MPHOSPH9: variants seen among roughly 807,000 people sequenced by gnomAD.
The protein encoded by MPHOSPH9 is M-phase phosphoprotein 9.
In MPHOSPH9, 88 loss-of-function variants were observed where a neutral mutation model predicts 145.5. The ratio of observed to expected loss-of-function variants is 0.60; its 90% CI spans 0.51 to 0.72. The LOEUF (loss-of-function observed/expected upper bound fraction) is 0.72, where lower values mean the gene tolerates loss of function less well. Ranked by LOEUF, MPHOSPH9 falls within the 30% of genes least tolerant of loss-of-function variation. MPHOSPH9 has a pLI of 0.00. For synonymous variants in MPHOSPH9, 435 were observed against 486.2 expected (o/e 0.89, Z 1.39); for missense variants, 1,238 against 1,386.6 (o/e 0.89, Z 1.70).
Position 123,163,965 on chromosome 12 carries a change from T to C in MPHOSPH9, c.2893A>G (p.Lys965Glu). 1 of 1,614,110 alleles carries C rather than the reference T, an allele frequency of 6.2e-7. No homozygotes were observed. The highest frequency in any genetic ancestry group is 8.5e-7 in the Non-Finnish European group (1 of 1,180,000). The change falls in exon 19 of 24, where the codon AAA (lysine) becomes GAA (glutamate). Residue 965 changes from lysine to glutamate, a missense_variant. By Grantham distance (56) the Lys-to-Glu change is moderately conservative (BLOSUM62 1). Coordinates refer to ENST00000606320, the MANE Select transcript of MPHOSPH9 (RefSeq NM_022782.4). ...TAACTCTTACTTGGAGTACTTGATT[T>C]ACGATTTGAAGGTGGTAAAGATGAT... ...RSSSLPPSNR[K>E]SSTPTKREIM...
intron 15 of MPHOSPH9, among the ~76,000 whole-genome samples, chr12:123,178,777 G>A (rs1262097285): frequency 6.6e-6 from 1 of 152,154 alleles, no homozygotes; most frequent in Admixed American, 6.6e-5. Flanking sequence ...TCCCACCTCA[G>A]CCTCCCAAAG....
intron 21 of MPHOSPH9, 111 bp from the exon 22 acceptor site, chr12:123,161,494 C>A (rs77690269): frequency 8.9e-7 from 1 of 1,119,658 alleles, no homozygotes; most frequent in Non-Finnish European, 1.3e-6. Context: ...TGCTATGTGG[C>A]CCAAAAAAGT....
intron 12 of MPHOSPH9, among the ~76,000 whole-genome samples, chr12:123,195,774 C>A: frequency 6.6e-6 from 1 of 152,054 alleles, no homozygotes; most frequent in East Asian, 1.9e-4. Context: ...GCAAACAGGC[C>A]AGGCACTGTG....
chr12:123,188,418 G>A (rs970249527), intron 13 of MPHOSPH9, among the ~76,000 whole-genome samples: 13 of 151,976 alleles, frequency 8.6e-5, no homozygotes, highest in African/African-American at 3.1e-4. Flanking sequence ...TATTATAACA[G>A]GCTATATTTC....
intron 16 of MPHOSPH9, among the ~76,000 whole-genome samples, chr12:123,169,655 C>T (rs1010193913): frequency 2.6e-5 from 4 of 151,710 alleles, no homozygotes; most frequent in African/African-American, 7.3e-5. Flanking sequence ...GGCTGGAGTG[C>T]AGTGGCGTGA....
intron 16 of MPHOSPH9, 25 bp from the exon 17 acceptor site, chr12:123,166,814 A>G: frequency 6.2e-7 from 1 of 1,607,476 alleles, no homozygotes; most frequent in Non-Finnish European, 8.5e-7. Context: ...ACGGTCAGGC[A>G]TTATAAAGGT....
At chr12:123,161,778 C>A (rs1289680070) in intron 21 of MPHOSPH9, among the ~76,000 whole-genome samples, 1 of 151,552 alleles carries the variant, frequency 6.6e-6, no homozygotes, top group Non-Finnish European at 1.5e-5. Context: ...CATACATTGT[C>A]TTATAGCTTT....
In MPHOSPH9 at chr12:123,227,520, T is replaced by C. The variant is rs1180616986; in HGVS notation, c.201A>G (p.Leu67=). Residue 67 remains leucine, a synonymous_variant, in exon 3 of 24, where the codon TTA becomes TTG. Coordinates refer to ENST00000606320, the MANE Select transcript of MPHOSPH9 (RefSeq NM_022782.4). ...TTCCACTGTTTTGTAGCTCTTGCAT[T>C]AAAGAAGTTAGGACTTCAACTGTAC... is the stretch of plus-strand genomic sequence containing the variant. The part of the protein sequence containing the change: ...IQGTVEVLTS[L]MQELQNSGKT... 1 of 1,530,814 alleles carries C rather than the reference T, an allele frequency of 6.5e-7. No homozygotes were observed. The highest frequency in any genetic ancestry group is 1.2e-5 in the South Asian group (1 of 83,330). The allele number at this position is 1,530,814 out of a possible 1,614,324, so 94.8% of individuals were successfully genotyped here. A position where few individuals can be genotyped will look rare whatever the true frequency, so the allele number is the denominator to read the frequency against.
At chr12:123,153,307 G>C (rs2043808780), downstream of MPHOSPH9, 1 of 152,128 alleles carries the variant, frequency 6.6e-6, no homozygotes, top group Non-Finnish European at 1.5e-5. Context: ...ATTTTTGGTG[G>C]CTAAAAAACC....
rs974594410 is a variant in MPHOSPH9, at chr12:123,158,636, A to AT, written c.3451-1729dup. Among the ~76,000 whole-genome samples the AT allele has an allele frequency of 2.9e-3, 417 of 145,782 alleles. 1 individual carries two copies. Among genetic ancestry groups the AT allele is most frequent in the Middle Eastern group, 0.014 (4 of 280 alleles). On this transcript the variant is annotated intron_variant, in intron 23 of 23. Transcript: ENST00000606320. ...AAGAAGAGAATCAAACTCTATCTCAATTTTTTTTTTTTTGAGACACAGTCT... is the reference window on the plus strand; with the variant it reads ...AAGAAGAGAATCAAACTCTATCTCAATTTTTTTTTTTTTTGAGACACAGTCT...
intron 18 of MPHOSPH9, among the ~76,000 whole-genome samples, chr12:123,164,981 C>T (rs549536128): frequency 7.9e-6 from 1 of 126,868 alleles, no homozygotes; most frequent in South Asian, 2.4e-4. Context: ...GCACTCCAGC[C>T]TGGGCAAAAG....
chr12:123,207,146 T>TAAAAAAAAAA (rs35392378), intron 8 of MPHOSPH9, among the ~76,000 whole-genome samples: 1 of 114,580 alleles, frequency 8.7e-6, no homozygotes, highest in Non-Finnish European at 1.7e-5. Flanking sequence ...CTAAAGTGGT[T>TAAAAAAAAAA]AAAAAAAAAA....
intron 14 of MPHOSPH9, among the ~76,000 whole-genome samples, chr12:123,180,492 CAG>C (rs2045081330): frequency 6.6e-6 from 1 of 152,148 alleles, no homozygotes; most frequent in African/African-American, 2.4e-5. Flanking sequence ...AGTCTCCAAA[CAG>C]AGCTTTCAAA....
chr12:123,196,640 TAA>T (rs1359985064), intron 12 of MPHOSPH9, among the ~76,000 whole-genome samples: 1 of 152,112 alleles, frequency 6.6e-6, no homozygotes, highest in Non-Finnish European at 1.5e-5. Context: ...AATTTTAGCA[TAA>T]AAAGTTTATG....
intron 20 of MPHOSPH9, 21 bp from the exon 21 acceptor site, chr12:123,162,239 C>A: frequency 7.4e-7 from 1 of 1,344,722 alleles, no homozygotes; most frequent in African/African-American, 1.5e-5. Context: ...AAGCAAGTTA[C>A]TTGTGAGAAA....
intron 5 of MPHOSPH9, among the ~76,000 whole-genome samples, chr12:123,220,431 G>T (rs1476326675): frequency 6.6e-6 from 1 of 151,698 alleles, no homozygotes; most frequent in African/African-American, 2.4e-5. Flanking sequence ...GGGTGTGGTG[G>T]CCCACACCTG....
chr12:123,201,475 G>A (rs2046217852), intron 11 of MPHOSPH9, among the ~76,000 whole-genome samples: 1 of 152,100 alleles, frequency 6.6e-6, no homozygotes, highest in Non-Finnish European at 1.5e-5. Flanking sequence ...GACCTCCTGA[G>A]CTCAAGCAAT....
intron 7 of MPHOSPH9, among the ~76,000 whole-genome samples, chr12:123,210,673 T>C (rs550538748): frequency 1.4e-4 from 22 of 151,908 alleles, no homozygotes; most frequent in Non-Finnish European, 2.5e-4. Context: ...GCCTGAGTGA[T>C]AGAGTGAGTG....
intron 23 of MPHOSPH9, among the ~76,000 whole-genome samples, chr12:123,158,122 T>C (rs2043948836): frequency 6.6e-6 from 1 of 152,098 alleles, no homozygotes. Flanking sequence ...CAAAAGTAGC[T>C]GGGATTACAG....
Sources: gnomAD v4.1 joint callset for allele counts (sites outside exome capture counted in the v4.1 genomes callset) on GRCh38, gnomAD v4.1.1 for gene constraint, MANE v1.5 for transcripts, NCBI Gene and HGNC (gene_info 2026-07-23, HGNC 2026-07-21) for gene names.